The following KCNIP4 variants were observed in gnomAD, a reference collection of about 807,000 sequenced individuals.
KCNIP4 encodes the protein potassium voltage-gated channel interacting protein 4, also known as Kv channel-interacting protein 4.
A neutral mutation model predicts 34.0 loss-of-function variants in KCNIP4; 12 were observed. The observed-to-expected ratio is 0.35, with a 90% confidence interval of 0.23 to 0.57. The LOEUF is 0.57. Among genes scored for constraint, KCNIP4 ranks in the 20% least tolerant of loss-of-function variants. The probability of loss-of-function intolerance (pLI) is 0.83; values close to 1 mark genes in which losing one functional copy is unlikely to be tolerated. For missense variants in KCNIP4, 238 were observed against 311.7 expected (o/e 0.76, Z 1.78); for synonymous variants, 124 against 102.2 (o/e 1.21, Z -1.29).
chr4:21,000,727 G>T (rs1171914853), intron 1 of KCNIP4, among the ~76,000 whole-genome samples: 2 of 152,052 alleles, frequency 1.3e-5, no homozygotes, highest in African/African-American at 4.8e-5. Context: ...TTAAAATGGG[G>T]TATGTGCCTT....
rs146129154 is a variant in KCNIP4 at position 21,895,775 on chromosome 4, G to A, written c.61+52796C>T. On this transcript the variant is annotated intron_variant, in intron 1 of 8. Coordinates refer to ENST00000382152, the MANE Select transcript of KCNIP4 (RefSeq NM_025221.6). ...AATTAGAAAGTGGCCCATAGCATCT[G>A]TCCTCAGATTGGGAATGGGAAAAGA... is the stretch of plus-strand genomic sequence containing the variant. 8.7e-3 allele frequency among the ~76,000 whole-genome samples: 1,325 copies of A among 152,278 alleles called. 15 individuals are homozygous for A. The highest frequency in any genetic ancestry group is 0.034 in the South Asian group (164 of 4,820).
rs188428498 is a variant in KCNIP4 at position 21,942,902 on chromosome 4, G to C, written c.61+5669C>G. On this transcript the variant is annotated intron_variant, in intron 1 of 8. Coordinates refer to ENST00000382152, the MANE Select transcript of KCNIP4 (RefSeq NM_025221.6). ...GCCTCCCAAGTAGCTGGGATTACAG[G>C]TGTCTGCCACCACGCCCAGCTAATT... is the stretch of plus-strand genomic sequence containing the variant. Among the ~76,000 whole-genome samples, 54 of 152,156 alleles carry C rather than the reference G, an allele frequency of 3.5e-4. No individual in the cohort carries two copies. The South Asian group carries it at 7.0e-3, about 20-fold the overall frequency.
chr4:21,579,575 C>T (rs967635327), intron 1 of KCNIP4, among the ~76,000 whole-genome samples: 8 of 152,076 alleles, frequency 5.3e-5, no homozygotes, highest in African/African-American at 1.9e-4. Context: ...TGTTTCTCAT[C>T]ATAACTCTAC....
In KCNIP4 at chr4:20,971,713, T is replaced by C. The variant is rs186320775; in HGVS notation, c.62-89004A>G. Among the ~76,000 whole-genome samples, 32 of 152,324 alleles carry C rather than the reference T, an allele frequency of 2.1e-4. No homozygotes were observed. The South Asian group carries it at 2.9e-3, about 14-fold the overall frequency. ...TGTTGGCTGCTGCTGATCAAGGTGA[T>C]AGTTGCTGAAGGTTGGAGTAATTGT... On this transcript the variant is annotated intron_variant, in intron 1 of 8. Coordinates refer to ENST00000382152, the MANE Select transcript of KCNIP4 (RefSeq NM_025221.6).
intron 1 of KCNIP4, among the ~76,000 whole-genome samples, chr4:21,871,210 CA>C (rs1182006448): frequency 6.7e-6 from 1 of 149,956 alleles, no homozygotes; most frequent in Non-Finnish European, 1.5e-5. Flanking sequence ...TGGTCATTTA[CA>C]TTAGGTCTAT....
intron 3 of KCNIP4, among the ~76,000 whole-genome samples, chr4:20,838,671 G>T (rs963055976): frequency 2.6e-5 from 4 of 152,126 alleles, no homozygotes; most frequent in Non-Finnish European, 5.9e-5. Flanking sequence ...CCAGTTTATA[G>T]GATATAGATG....
chr4:21,916,695 C>T (rs572207887), intron 1 of KCNIP4, among the ~76,000 whole-genome samples: 2 of 152,304 alleles, frequency 1.3e-5, no homozygotes, highest in East Asian at 1.9e-4. Context: ...AAAGTGAATG[C>T]TATTCTGGGA....
At chr4:21,293,572 G>A (rs1763667524) in intron 1 of KCNIP4, among the ~76,000 whole-genome samples, 1 of 152,152 alleles carries the variant, frequency 6.6e-6, no homozygotes, top group Admixed American at 6.5e-5. Flanking sequence ...AGAGAGACAG[G>A]GGGACCCCTA....
chr4:20,859,757 C>G (rs75909170), intron 2 of KCNIP4, among the ~76,000 whole-genome samples: 1,723 of 152,316 alleles, frequency 0.011, 15 homozygotes, highest in Non-Finnish European at 0.018. Flanking sequence ...AAGGGCAAAT[C>G]ATGCCATCCA....
intron 1 of KCNIP4, among the ~76,000 whole-genome samples, chr4:21,279,510 C>T (rs915408218): frequency 4.3e-5 from 6 of 140,706 alleles, no homozygotes; most frequent in African/African-American, 7.6e-5. Context: ...TACATACATA[C>T]ATATACACAC....
intron 1 of KCNIP4, among the ~76,000 whole-genome samples, chr4:21,373,530 T>C (rs1461519577): frequency 1.4e-5 from 2 of 146,782 alleles, no homozygotes; most frequent in Non-Finnish European, 2.9e-5. Flanking sequence ...GGGTTTCCTT[T>C]GGGAACCGAT....
At chr4:21,234,059 A>G (rs1316145263) in intron 1 of KCNIP4, among the ~76,000 whole-genome samples, 3 of 114,540 alleles carry the variant, frequency 2.6e-5, no homozygotes, top group Non-Finnish European at 4.7e-5. Context: ...AACACATAAC[A>G]TATATAACAT....
At chr4:21,498,235 A>T (rs906692143) in intron 1 of KCNIP4, among the ~76,000 whole-genome samples, 2 of 152,214 alleles carry the variant, frequency 1.3e-5, no homozygotes, top group African/African-American at 2.4e-5. Flanking sequence ...ATTAACTGAG[A>T]AAAAATTTTC....
intron 1 of KCNIP4, among the ~76,000 whole-genome samples, chr4:20,964,065 G>T (rs929599482): frequency 6.6e-6 from 1 of 152,084 alleles, no homozygotes; most frequent in Non-Finnish European, 1.5e-5. Context: ...CACTACAAAA[G>T]AATTGCCATT....
chr4:21,722,676 T>C (rs1376144129), intron 1 of KCNIP4, among the ~76,000 whole-genome samples: 9 of 152,114 alleles, frequency 5.9e-5, no homozygotes, highest in Non-Finnish European at 1.3e-4. Context: ...GGCAAGATCA[T>C]ATGGTTACTG....
At chr4:21,045,193 A>T (rs991498496) in intron 1 of KCNIP4, among the ~76,000 whole-genome samples, 1 of 152,228 alleles carries the variant, frequency 6.6e-6, no homozygotes, top group African/African-American at 2.4e-5. Flanking sequence ...TTATTCTTGC[A>T]AACTAGTAAG....
intron 1 of KCNIP4, among the ~76,000 whole-genome samples, chr4:21,257,243 G>A (rs150980057): frequency 3.3e-5 from 5 of 152,208 alleles, no homozygotes; most frequent in Admixed American, 1.3e-4. Context: ...GATTTGAGAC[G>A]TCTCTTGAGA....
chr4:21,825,020 C>G (rs943158785), intron 1 of KCNIP4, among the ~76,000 whole-genome samples: 1 of 152,074 alleles, frequency 6.6e-6, no homozygotes, highest in Non-Finnish European at 1.5e-5. Context: ...TGATAGACCA[C>G]TTTCACAAAA....
chr4:21,631,612 T>C (rs1745770845), intron 1 of KCNIP4, among the ~76,000 whole-genome samples: 1 of 152,154 alleles, frequency 6.6e-6, no homozygotes, highest in African/African-American at 2.4e-5. Context: ...CTCCACGGTA[T>C]AAAAACCCTC....
Sources: allele counts gnomAD v4.1 joint callset (sites outside exome capture counted in the v4.1 genomes callset), GRCh38; gene constraint gnomAD v4.1.1; transcripts MANE v1.5; gene names NCBI Gene and HGNC (gene_info 2026-07-23, HGNC 2026-07-21).